UBAP2L: variants seen among roughly 807,000 people sequenced by gnomAD.
UBAP2L encodes the protein ubiquitin-associated protein 2-like.
Under a neutral mutation model 130.6 loss-of-function variants are expected in UBAP2L, and 12 were observed. That is an observed-to-expected ratio of 0.09 (90% confidence interval 0.06 to 0.15). The LOEUF (loss-of-function observed/expected upper bound fraction) is 0.15. Among genes scored for constraint, UBAP2L ranks in the 10% least tolerant of loss-of-function variants. UBAP2L has a pLI of 1.00. For synonymous variants in UBAP2L, 503 were observed against 524.7 expected (o/e 0.96, Z 0.57); for missense variants, 965 against 1,332.5 (o/e 0.72, Z 4.29).
chr1:154,229,105 TTTTTA>T (rs57728113), intron 4 of UBAP2L, among the ~76,000 whole-genome samples: 29 of 151,842 alleles, frequency 1.9e-4, no homozygotes, highest in East Asian at 1.2e-3. Flanking sequence ...TTTTTTTTTC[TTTTTA>T]TTTTATTTTA....
At chr1:154,221,162 A>G (rs112796256) in intron 1 of UBAP2L, 187 bp downstream of exon 1, 2 of 72,276 alleles carry the variant, frequency 2.8e-5, no homozygotes, top group African/African-American at 1.1e-4. Context: ...CCCACTGTAC[A>G]CCCCCCCCCG....
chr1:154,250,218 C>T (rs1027785113), intron 12 of UBAP2L, among the ~76,000 whole-genome samples: 1 of 152,132 alleles, frequency 6.6e-6, no homozygotes, highest in Non-Finnish European at 1.5e-5. Flanking sequence ...ACCACCATGC[C>T]TGGCTAATTT....
chr1:154,235,383 C>G, intron 6 of UBAP2L, 92 bp downstream of exon 6: 1 of 621,064 alleles, frequency 1.6e-6, no homozygotes, highest in Non-Finnish European at 2.9e-6. Context: ...TGGAGGTAGT[C>G]TCACTCTCAC....
chr1:154,257,077 G>A lies in UBAP2L; in HGVS notation c.2172G>A (p.Glu724=), dbSNP rs778478292. ...CCCTTTTGAAGCACACAAGTGTGGA[G>A]AGTGAGGCGAATCTCCATTCTTCCT... The part of the protein sequence containing the change: ...STSTLLHTSV[E]SEANLHSSSS... The change falls in exon 19 of 27, where the codon GAG becomes GAA. Residue 724 remains glutamate (E), a synonymous_variant. Transcript: ENST00000428931. The A allele has an allele frequency of 6.2e-7, 1 of 1,613,692 alleles. No homozygotes were observed. Among genetic ancestry groups the A allele is most frequent in the Non-Finnish European group, 8.5e-7 (1 of 1,180,018 alleles).
intron 22 of UBAP2L, among the ~76,000 whole-genome samples, 168 bp downstream of exon 22, chr1:154,260,197 G>T (rs140730134): frequency 6.6e-6 from 1 of 152,138 alleles, no homozygotes; most frequent in South Asian, 2.1e-4. Flanking sequence ...ACTTTGTGTT[G>T]TCTCCCTGTG....
chr1:154,262,239 C>A (rs1681802725), intron 24 of UBAP2L, among the ~76,000 whole-genome samples: 1 of 152,160 alleles, frequency 6.6e-6, no homozygotes, highest in Non-Finnish European at 1.5e-5. Flanking sequence ...GGGAATTGGA[C>A]TGGGAGAGTT....
chr1:154,234,965 T>C (rs537361991), intron 5 of UBAP2L, among the ~76,000 whole-genome samples: 1 of 152,316 alleles, frequency 6.6e-6, no homozygotes, highest in Admixed American at 6.5e-5. Flanking sequence ...TACCCTGTAG[T>C]CATTTATAAA....
rs1301754681 is a variant in UBAP2L, at chr1:154,263,548, C to T, written c.2902+1851C>T. On this transcript the variant is annotated intron_variant, in intron 24 of 26. Coordinates refer to ENST00000428931, the MANE Select transcript of UBAP2L (RefSeq NM_014847.4). ...GCATGTCTTTGTGGACACTAGGAACCAATGCTGTGCTGTGGATGAAGGGTG... is the reference window on the plus strand; with the variant it reads ...GCATGTCTTTGTGGACACTAGGAACTAATGCTGTGCTGTGGATGAAGGGTG... The T allele has an allele frequency of 4.0e-6, 4 of 994,674 alleles. No homozygotes were observed. In the African/African-American group the frequency reaches 6.9e-5, roughly 17 times the overall value. 61.6% of individuals were successfully genotyped at this position (994,674 alleles called of 1,614,324 possible).
In UBAP2L at chr1:154,237,124, G is replaced by C. The variant is rs1671937839; in HGVS notation, c.691G>C (p.Asp231His). ...TWNNTGHFEP[D>H]DGTSAWRTAT... Reference sequence around the variant, plus strand: ...GAACAACACTGGCCACTTTGAACCAGATGATGGGACGAGTGAGTGACCATT... The same window carrying C: ...GAACAACACTGGCCACTTTGAACCACATGATGGGACGAGTGAGTGACCATT... The change falls in exon 8 of 27, where the codon GAT becomes CAT. Residue 231 changes from aspartate (D) to histidine (H), a missense_variant. Asp to His is a moderately conservative substitution (Grantham distance 81, BLOSUM62 -1). This residue lies in a region of UBAP2L where 109 missense variants were observed against 146.6 expected (regional missense o/e 0.74). Transcript: ENST00000428931. 3.7e-6 allele frequency: 6 copies of C among 1,613,804 alleles called. No homozygotes were observed.
chr1:154,238,600 T>A (rs1672445855), intron 8 of UBAP2L, among the ~76,000 whole-genome samples: 1 of 152,198 alleles, frequency 6.6e-6, no homozygotes, highest in Non-Finnish European at 1.5e-5. Flanking sequence ...TAATTTCTAC[T>A]GAGTAGAAAA....
chr1:154,237,927 A>C (rs1672212938), intron 8 of UBAP2L, among the ~76,000 whole-genome samples: 2 of 152,204 alleles, frequency 1.3e-5, no homozygotes, highest in South Asian at 4.1e-4. Context: ...TTAGTAAGAA[A>C]ACTCTGGAGT....
At chr1:154,251,693 T>G in intron 14 of UBAP2L, 40 bp downstream of exon 14, 1 of 1,603,430 alleles carries the variant, frequency 6.2e-7, no homozygotes, top group Non-Finnish European at 8.5e-7. Context: ...CTTATTAACC[T>G]TTACTACTTT....
At chr1:154,234,078 A>T (rs1454255599) in intron 4 of UBAP2L, among the ~76,000 whole-genome samples, 1 of 152,012 alleles carries the variant, frequency 6.6e-6, no homozygotes, top group Non-Finnish European at 1.5e-5. Context: ...TAATCCCAGC[A>T]CTTTGGGTGC....
Position 154,255,707 on chromosome 1 carries a change from C to G in UBAP2L, c.2109C>G (p.Thr703=), listed in dbSNP as rs138366026. 13 of 1,614,114 alleles carry G rather than the reference C, an allele frequency of 8.1e-6. No homozygotes were observed. Among genetic ancestry groups the G allele is most frequent in the South Asian group, 2.2e-5 (2 of 91,076 alleles). ...GCACGTTATCTACGCAGCAGAATACCCTTTCATCATCAACATCTTCTGGGC... is the reference window on the plus strand; with the variant it reads ...GCACGTTATCTACGCAGCAGAATACGCTTTCATCATCAACATCTTCTGGGC... ...HSSTLSTQQN[T]LSSSTSSGRT... is the part of the protein sequence containing the mutation. The change falls in exon 18 of 27, where the codon ACC becomes ACG. Residue 703 remains threonine, a synonymous_variant. Transcript: ENST00000428931.
intron 10 of UBAP2L, among the ~76,000 whole-genome samples, chr1:154,244,765 C>G (rs1201841829): frequency 1.3e-5 from 2 of 152,130 alleles, no homozygotes; most frequent in Non-Finnish European, 2.9e-5. Flanking sequence ...ACCTCCTTGT[C>G]CTCTGCAGGT....
At position 154,249,386 on chromosome 1, in the gene UBAP2L, T is replaced by A; in HGVS notation, c.1162T>A (p.Ser388Thr). 6.2e-7 allele frequency: 1 copy of A among 1,614,144 alleles called. No homozygotes were observed. The highest frequency in any genetic ancestry group is 8.5e-7 in the Non-Finnish European group (1 of 1,180,040). ...TTCTCAGTCTGGAAGCACCACCACC[T>A]CCTCTTGGGACATGGGCTCGACGAC... ...QHSQSGSTTT[S>T]SWDMGSTTQS... is the part of the protein sequence containing the mutation. Residue 388 changes from serine (S) to threonine (T), a missense_variant, in exon 12 of 27, where the codon TCC becomes ACC. Physicochemically the swap from Ser to Thr is moderately conservative, Grantham distance 58. Around this residue, in one of 9 missense-constraint regions of UBAP2L, gnomAD observed 19 missense variants for 59.1 expected, o/e 0.32. Transcript: ENST00000428931.
intron 8 of UBAP2L, among the ~76,000 whole-genome samples, chr1:154,239,529 GA>G (rs1672799085): frequency 6.6e-6 from 1 of 152,106 alleles, no homozygotes; most frequent in Admixed American, 6.5e-5. Flanking sequence ...TAATGGAATG[GA>G]AACCCTAGTC....
chr1:154,270,171 C>T, intron 26 of UBAP2L, 29 bp from the exon 27 acceptor site: 4 of 1,549,446 alleles, frequency 2.6e-6, no homozygotes, highest in African/African-American at 1.4e-5. Flanking sequence ...CACCTTTTTC[C>T]TCCTCATGAT....
chr1:154,230,761 G>A (rs1571632144), intron 4 of UBAP2L, among the ~76,000 whole-genome samples: 1 of 152,182 alleles, frequency 6.6e-6, no homozygotes, highest in South Asian at 2.1e-4. Context: ...TGAAACCAAT[G>A]GGAAGCAAAG....
Sources: allele counts gnomAD v4.1 joint callset (sites outside exome capture counted in the v4.1 genomes callset), GRCh38; gene constraint gnomAD v4.1.1; regional missense constraint gnomAD v4.1.1; transcripts MANE v1.5; gene names NCBI Gene and HGNC (gene_info 2026-07-23, HGNC 2026-07-21).